The following INSL3 variants were observed in gnomAD, a reference collection of about 807,000 sequenced individuals.
INSL3 encodes the protein insulin-like 3.
Under a neutral mutation model 5.5 loss-of-function variants are expected in INSL3, and 6 were observed. The observed-to-expected ratio is 1.08, with a 90% CI of 0.59 to 2.14. The LOEUF is 2.14. Among genes scored for constraint, INSL3 ranks in the 30% most tolerant of loss-of-function variants. The pLI is 0.00. For missense variants in INSL3, 178 were observed against 184.7 expected (o/e 0.96, Z 0.21); for synonymous variants, 86 against 82.1 (o/e 1.05, Z -0.26).
At chr19:17,817,838 C>T (rs2094190176) in intron 1 of INSL3, among the ~76,000 whole-genome samples, 1 of 144,118 alleles carries the variant, frequency 6.9e-6, no homozygotes. Context: ...TATTAAGCAC[C>T]TACTGTACGC....
chr19:17,818,710 G>T (rs1033212735), intron 1 of INSL3, among the ~76,000 whole-genome samples: 1 of 152,048 alleles, frequency 6.6e-6, no homozygotes, highest in African/African-American at 2.4e-5. Flanking sequence ...TCAAACCAGG[G>T]TGATTTTGTT....
At chr19:17,821,144 G>A (rs1321275028) in intron 1 of INSL3, among the ~76,000 whole-genome samples, 173 bp downstream of exon 1, 4 of 152,100 alleles carry the variant, frequency 2.6e-5, no homozygotes, top group Non-Finnish European at 5.9e-5. Flanking sequence ...ACTTTCACAC[G>A]CGCGTTCACA....
chr19:17,821,471 C>A lies in INSL3; in HGVS notation c.36G>T (p.Leu12=). ...DPRLPAWALV[L]LGPALVFALG... Reference sequence around the variant, plus strand: ...ACGCGAACACCAGGGCAGGGCCCAGCAGCACCAGCGCCCAGGCGGGCAGAC... The same window carrying A: ...ACGCGAACACCAGGGCAGGGCCCAGAAGCACCAGCGCCCAGGCGGGCAGAC... Residue 12 remains leucine (L), a synonymous_variant, in exon 1 of 2, where the codon CTG becomes CTT. Coordinates refer to ENST00000317306, the MANE Select transcript of INSL3 (RefSeq NM_005543.4). 1.3e-6 allele frequency: 2 copies of A among 1,520,676 alleles called. No individual in the cohort carries two copies. The highest frequency in any genetic ancestry group is 1.8e-6 in the Non-Finnish European group (2 of 1,129,446). 94.2% of individuals were successfully genotyped at this position (1,520,676 alleles called of 1,614,324 possible).
At position 17,816,600 on chromosome 19, in the gene INSL3, AGG is replaced by A; in HGVS notation, c.*252_*253del. 1 of 565,336 alleles carries A rather than the reference AGG, an allele frequency of 1.8e-6. No homozygotes were observed. The highest frequency in any genetic ancestry group is 2.0e-5 in the South Asian group (1 of 50,036). 35.0% of individuals were successfully genotyped at this position (565,336 alleles called of 1,614,324 possible). ...GAGCGTCTGGGGCTCCCCTGGAGTG[AGG>A]ACATTTGGCTGTCAGTGTCCAGCAT... On this transcript the variant is annotated 3_prime_UTR_variant, in exon 2 of 2. Coordinates refer to ENST00000317306, the MANE Select transcript of INSL3 (RefSeq NM_005543.4).
Position 17,821,393 on chromosome 19 carries a change from G to A in INSL3, c.114C>T (p.Phe38=), listed in dbSNP as rs1415485305. 3 of 1,548,334 alleles carry A rather than the reference G, an allele frequency of 1.9e-6. No individual in the cohort carries two copies. The highest frequency in any genetic ancestry group is 2.6e-6 in the Non-Finnish European group (3 of 1,145,780). ...EMREKLCGHH[F]VRALVRVCGG... ...CGCACACGCGCACTAGCGCGCGTAC[G>A]AAGTGGTGGCCGCACAACTTCTCAC... Residue 38 remains phenylalanine (F), a synonymous_variant, in exon 1 of 2, where the codon TTC becomes TTT. Coordinates refer to ENST00000317306, the MANE Select transcript of INSL3 (RefSeq NM_005543.4).
intron 1 of INSL3, chr19:17,820,253 TGGTTTG>T (rs1488301815): frequency 8.0e-6 from 2 of 249,566 alleles, no homozygotes; most frequent in Non-Finnish European, 1.5e-5. Context: ...CACAGCACTC[TGGTTTG>T]GGTGACAGAG....
At chr19:17,821,181 G>T in intron 1 of INSL3, 136 bp downstream of exon 1, 1 of 1,044,302 alleles carries the variant, frequency 9.6e-7, no homozygotes, top group Non-Finnish European at 1.4e-6. Flanking sequence ...CCCACGATCT[G>T]TGCACGCAGC....
chr19:17,817,126 G>A, intron 1 of INSL3, 67 bp from the exon 2 acceptor site: 1 of 1,442,810 alleles, frequency 6.9e-7, no homozygotes, highest in Non-Finnish European at 9.5e-7. Flanking sequence ...TGCTGCATGT[G>A]CACGAATCCA....
intron 1 of INSL3, among the ~76,000 whole-genome samples, chr19:17,818,618 GA>G (rs888303556): frequency 2.4e-4 from 34 of 144,090 alleles, no homozygotes; most frequent in African/African-American, 6.4e-4. Context: ...TGTCTCAAAA[GA>G]AAAAAAAAAG....
In INSL3 at chr19:17,821,435, C is replaced by A. The variant is rs771075889; in HGVS notation, c.72G>T (p.Ala24=). ...GPALVFALGP[A]PTPEMREKLC... ...ACTTCTCACGCATCTCTGGGGTGGG[C>A]GCGGGGCCCAACGCGAACACCAGGG... Residue 24 remains alanine, a synonymous_variant, in exon 1 of 2, where the codon GCG becomes GCT. Coordinates refer to ENST00000317306, the MANE Select transcript of INSL3 (RefSeq NM_005543.4). 5 of 1,544,480 alleles carry A rather than the reference C, an allele frequency of 3.2e-6. No homozygotes were observed. The highest frequency in any genetic ancestry group is 3.5e-6 in the Non-Finnish European group (4 of 1,143,002).
intron 1 of INSL3, chr19:17,820,281 C>T: frequency 3.3e-6 from 1 of 304,976 alleles, no homozygotes; most frequent in Non-Finnish European, 6.2e-6. Context: ...GAGGCTATGT[C>T]TCAAAATAAA....
Position 17,821,403 on chromosome 19 carries a change from C to T in INSL3, c.104G>A (p.Gly35Asp). ...PTPEMREKLC[G>D]HHFVRALVRV... ...CACTAGCGCGCGTACGAAGTGGTGGCCGCACAACTTCTCACGCATCTCTGG... is the reference window on the plus strand; with the variant it reads ...CACTAGCGCGCGTACGAAGTGGTGGTCGCACAACTTCTCACGCATCTCTGG... Residue 35 changes from glycine to aspartate, a missense_variant, in exon 1 of 2, where the codon GGC becomes GAC. Transcript: ENST00000317306. 6.5e-7 allele frequency: 1 copy of T among 1,548,038 alleles called. No homozygotes were observed. The highest frequency in any genetic ancestry group is 2.4e-5 in the East Asian group (1 of 40,862).
At chr19:17,820,948 G>A (rs1208827101) in intron 1 of INSL3, among the ~76,000 whole-genome samples, 4 of 151,744 alleles carry the variant, frequency 2.6e-5, no homozygotes, top group Non-Finnish European at 4.4e-5. Context: ...CAAGTAGCTG[G>A]GATTACAGAT....
rs1207916368 is a variant in INSL3 at position 17,816,733 on chromosome 19, AT to A, written c.*120del. ...GGTCTGGGGTAGATAGTGAGCACCC[AT>A]CCCAGGAGGTAATCAAAGGCCTGTA... On this transcript the variant is annotated 3_prime_UTR_variant, in exon 2 of 2. Transcript: ENST00000317306. 1 of 921,276 alleles carries A rather than the reference AT, an allele frequency of 1.1e-6. No individual in the cohort carries two copies. The highest frequency in any genetic ancestry group is 1.7e-6 in the Non-Finnish European group (1 of 584,460). 57.1% of individuals were successfully genotyped at this position (921,276 alleles called of 1,614,324 possible).
In INSL3 at chr19:17,816,525, G is replaced by A. The variant is rs568150020; in HGVS notation, c.*329C>T. ...AAAATGCAGGAAGCTGCTTTGGGTC[G>A]TTTATTTACTAAGAGACAGCAAGAA... is the stretch of plus-strand genomic sequence containing the variant. On this transcript the variant is annotated 3_prime_UTR_variant, in exon 2 of 2. Transcript: ENST00000317306. 60 of 387,080 alleles carry A rather than the reference G, an allele frequency of 1.6e-4. No individual in the cohort carries two copies. Among genetic ancestry groups the A allele is most frequent in the African/African-American group, 8.0e-4 (39 of 48,896 alleles). 24.0% of individuals were successfully genotyped at this position (387,080 alleles called of 1,614,324 possible). A position where few individuals can be genotyped will look rare whatever the true frequency, so the allele number is the denominator to read the frequency against.
chr19:17,820,366 A>C, intron 1 of INSL3: 1 of 405,974 alleles, frequency 2.5e-6, no homozygotes, highest in Non-Finnish European at 4.8e-6. Flanking sequence ...ATACTTTTAA[A>C]TACTTTTAAA....
Position 17,816,901 on chromosome 19 carries a change from G to A in INSL3, c.349C>T (p.Leu117Phe), listed in dbSNP as rs1325333192. 6.2e-7 allele frequency: 1 copy of A among 1,614,118 alleles called. No individual in the cohort carries two copies. The highest frequency in any genetic ancestry group is 2.2e-5 in the East Asian group (1 of 44,872). Reference protein sequence around the residue: ...AATNPARYCCLSGCTQQDLLT... With the variant: ...AATNPARYCCFSGCTQQDLLT... ...AGGTCTTGTTGGGTACAGCCACTGA[G>A]GCAGCAGTAGCGTGCAGGGTTGGTG... The change falls in exon 2 of 2, where the codon CTC becomes TTC. Residue 117 changes from leucine (L) to phenylalanine (F), a missense_variant. Leu to Phe is a conservative substitution (Grantham distance 22). Transcript: ENST00000317306.
rs2147660351 is a variant in INSL3, at chr19:17,816,767, G to A, written c.*87C>T. Reference sequence around the variant, plus strand: ...GGTAATCAAAGGCCTGTAGATGCGAGACTTTATGGTGCTGTGTGGCCTCAG... The same window carrying A: ...GGTAATCAAAGGCCTGTAGATGCGAAACTTTATGGTGCTGTGTGGCCTCAG... On this transcript the variant is annotated 3_prime_UTR_variant, in exon 2 of 2. Transcript: ENST00000317306. 1 of 1,333,998 alleles carries A rather than the reference G, an allele frequency of 7.5e-7. No homozygotes were observed. The highest frequency in any genetic ancestry group is 1.1e-6 in the Non-Finnish European group (1 of 936,514). 82.6% of individuals were successfully genotyped at this position (1,333,998 alleles called of 1,614,324 possible).
chr19:17,816,527 T>G lies in INSL3; in HGVS notation c.*327A>C. The G allele has an allele frequency of 5.2e-6, 2 of 387,704 alleles. No individual in the cohort carries two copies. Among genetic ancestry groups the G allele is most frequent in the East Asian group, 5.5e-5 (1 of 18,046 alleles). The allele number at this position is 387,704 out of a possible 1,614,324, so 24.0% of individuals were successfully genotyped here. ...AATGCAGGAAGCTGCTTTGGGTCGT[T>G]TATTTACTAAGAGACAGCAAGAAGG... On this transcript the variant is annotated 3_prime_UTR_variant, in exon 2 of 2. Transcript: ENST00000317306.
Sources: gnomAD v4.1 joint callset for allele counts (sites outside exome capture counted in the v4.1 genomes callset) on GRCh38, gnomAD v4.1.1 for gene constraint, MANE v1.5 for transcripts, NCBI Gene and HGNC (gene_info 2026-07-23, HGNC 2026-07-21) for gene names.